ARHGEF28: variants seen among roughly 807,000 people sequenced by gnomAD.
ARHGEF28 encodes the protein 190 kDa guanine nucleotide exchange factor.
A neutral mutation model predicts 206.6 loss-of-function variants in ARHGEF28; 152 were observed. The ratio of observed to expected loss-of-function variants is 0.74; its 90% confidence interval spans 0.64 to 0.84. The LOEUF is 0.84. Ranked by LOEUF, ARHGEF28 falls within the 40% of genes least tolerant of loss-of-function variation. The pLI is 0.00. For missense variants in ARHGEF28, 2,028 were observed against 2,073.2 expected (o/e 0.98, Z 0.42); for synonymous variants, 763 against 776.4 (o/e 0.98, Z 0.29).
Position 73,688,076 on chromosome 5 carries a change from G to T in ARHGEF28, c.33+3192G>T, listed in dbSNP as rs1287926595. Among the ~76,000 whole-genome samples, 3 of 152,100 alleles carry T rather than the reference G, an allele frequency of 2.0e-5. No individual in the cohort carries two copies. In the East Asian group the frequency reaches 5.8e-4, roughly 29 times the overall value. ...AAAGATATCCTCTCCATTGGAATTTGTGAAGAATCCATTACATATTGGGAG... is the reference window on the plus strand; with the variant it reads ...AAAGATATCCTCTCCATTGGAATTTTTGAAGAATCCATTACATATTGGGAG... On this transcript the variant is annotated intron_variant, in intron 2 of 35. Transcript: ENST00000513042.
At chr5:73,795,605 A>G (rs1197054767) in intron 9 of ARHGEF28, 3 of 473,718 alleles carry the variant, frequency 6.3e-6, no homozygotes, top group Admixed American at 7.5e-5. Context: ...AAACAAGGCA[A>G]TCAAAGCTTT....
At chr5:73,836,853 G>A (rs1219522163) in intron 10 of ARHGEF28, among the ~76,000 whole-genome samples, 2 of 152,076 alleles carry the variant, frequency 1.3e-5, no homozygotes, top group East Asian at 3.9e-4. Context: ...GTAAGATAGG[G>A]ATCCAGTTTC....
In ARHGEF28 at chr5:73,753,077, C is replaced by T; in HGVS notation, c.350C>T (p.Thr117Ile). Reference sequence around the variant, plus strand: ...CGCCTCACAGCCTGCAGCCACCAGACCCTGCTGACCCCATTTGCCTTGACG... The same window carrying T: ...CGCCTCACAGCCTGCAGCCACCAGATCCTGCTGACCCCATTTGCCTTGACG... Reference protein sequence around the residue: ...ANRLTACSHQTLLTPFALTAG... With the variant: ...ANRLTACSHQILLTPFALTAG... The change falls in exon 4 of 36, where the codon ACC becomes ATC. Residue 117 changes from threonine to isoleucine, a missense_variant. Coordinates refer to ENST00000513042, the MANE Select transcript of ARHGEF28 (RefSeq NM_001177693.2). The T allele has an allele frequency of 6.2e-7, 1 of 1,608,810 alleles. No homozygotes were observed. Among genetic ancestry groups the T allele is most frequent in the South Asian group, 1.1e-5 (1 of 89,870 alleles).
chr5:73,652,381 TAGAG>T (rs1744888535), intron 1 of ARHGEF28, among the ~76,000 whole-genome samples: 1 of 152,064 alleles, frequency 6.6e-6, no homozygotes, highest in Admixed American at 6.6e-5. Flanking sequence ...TAGCTATTCA[TAGAG>T]AGAGAGGGTC....
chr5:73,704,074 T>C (rs942029788), intron 2 of ARHGEF28, among the ~76,000 whole-genome samples: 23 of 151,274 alleles, frequency 1.5e-4, no homozygotes, highest in Admixed American at 1.5e-3. Flanking sequence ...GATGGGAATA[T>C]GGGGAGGGAA....
At chr5:73,650,704 A>G (rs1744760835) in intron 1 of ARHGEF28, among the ~76,000 whole-genome samples, 1 of 151,704 alleles carries the variant, frequency 6.6e-6, no homozygotes, top group Non-Finnish European at 1.5e-5. Context: ...GCTGGAGTAC[A>G]GTGGTGCAAT....
At chr5:73,827,249 C>G (rs141492479) in intron 9 of ARHGEF28, among the ~76,000 whole-genome samples, 1 of 152,110 alleles carries the variant, frequency 6.6e-6, no homozygotes, top group Non-Finnish European at 1.5e-5. Context: ...AAAGTCACAA[C>G]ATTTTAAATG....
intron 1 of ARHGEF28, among the ~76,000 whole-genome samples, chr5:73,641,811 A>G (rs906879051): frequency 6.6e-6 from 1 of 152,194 alleles, no homozygotes; most frequent in South Asian, 2.1e-4. Context: ...TGGAAAGATC[A>G]CTTTGTATCA....
At chr5:73,709,901 C>T (rs1452021567) in intron 2 of ARHGEF28, among the ~76,000 whole-genome samples, 3 of 152,140 alleles carry the variant, frequency 2.0e-5, no homozygotes, top group African/African-American at 4.8e-5. Flanking sequence ...TTGTGTGAAA[C>T]AATAGTTTGT....
intron 1 of ARHGEF28, among the ~76,000 whole-genome samples, chr5:73,674,892 A>G (rs1294006691): frequency 6.6e-6 from 1 of 152,218 alleles, no homozygotes; most frequent in Admixed American, 6.5e-5. Context: ...AGGGGAGGGT[A>G]GGGAAGCTCC....
At chr5:73,716,090 C>T (rs1170624193) in intron 2 of ARHGEF28, among the ~76,000 whole-genome samples, 1 of 152,088 alleles carries the variant, frequency 6.6e-6, no homozygotes, top group African/African-American at 2.4e-5. Context: ...ATTTAATTTA[C>T]TTGTCCTTAA....
In ARHGEF28 at chr5:73,892,189, A is replaced by G. The variant is rs1384733544; in HGVS notation, c.3525A>G (p.Glu1175=). ...AAATTCACACCAATTCCAAGGAGGA[A>G]CGCAATAACTGGATGAGACGGATCC... ...MYEIHTNSKE[E]RNNWMRRIQQ... is the part of the protein sequence containing the mutation. The change falls in exon 27 of 36, where the codon GAA becomes GAG. Residue 1175 remains glutamate (E), a synonymous_variant. Coordinates refer to ENST00000513042, the MANE Select transcript of ARHGEF28 (RefSeq NM_001177693.2). 2.5e-6 allele frequency: 4 copies of G among 1,575,924 alleles called. No individual in the cohort carries two copies. In the Admixed American group the frequency reaches 7.4e-5, roughly 29 times the overall value.
At chr5:73,674,881 C>T (rs887005892) in intron 1 of ARHGEF28, among the ~76,000 whole-genome samples, 35 of 152,206 alleles carry the variant, frequency 2.3e-4, no homozygotes, top group Admixed American at 5.2e-4. Flanking sequence ...GTGGCACACC[C>T]AGGGGAGGGT....
chr5:73,866,768 T>A (rs1759732454), intron 18 of ARHGEF28, among the ~76,000 whole-genome samples: 1 of 152,212 alleles, frequency 6.6e-6, no homozygotes, highest in African/African-American at 2.4e-5. Flanking sequence ...TCTCCTAAAT[T>A]TGAAAATCTC....
intron 2 of ARHGEF28, among the ~76,000 whole-genome samples, chr5:73,720,941 G>A (rs1749901758): frequency 6.6e-6 from 1 of 152,222 alleles, no homozygotes; most frequent in Non-Finnish European, 1.5e-5. Flanking sequence ...CAAAATAACG[G>A]CTTATATAAC....
chr5:73,883,392 T>C (rs1761074447), intron 23 of ARHGEF28, among the ~76,000 whole-genome samples: 1 of 152,152 alleles, frequency 6.6e-6, no homozygotes, highest in Non-Finnish European at 1.5e-5. Context: ...TAATAACAAA[T>C]GTGGAGGAAG....
At chr5:73,774,248 G>A (rs1049691642) in intron 5 of ARHGEF28, among the ~76,000 whole-genome samples, 21 of 152,158 alleles carry the variant, frequency 1.4e-4, no homozygotes, top group African/African-American at 4.3e-4. Flanking sequence ...GTCTCAAAAG[G>A]CTCTGAAAGG....
At chr5:73,906,710 A>G (rs1436708151) in intron 33 of ARHGEF28, among the ~76,000 whole-genome samples, 3 of 152,134 alleles carry the variant, frequency 2.0e-5, no homozygotes, top group Non-Finnish European at 2.9e-5. Flanking sequence ...TTGTCTTCAT[A>G]TGGTATGATA....
At chr5:73,684,269 T>C (rs1428766382) in intron 1 of ARHGEF28, among the ~76,000 whole-genome samples, 1 of 152,236 alleles carries the variant, frequency 6.6e-6, no homozygotes, top group African/African-American at 2.4e-5. Context: ...ATCTCTATTC[T>C]ACTTTTTTCT....
Sources: gnomAD v4.1 joint callset for allele counts (sites outside exome capture counted in the v4.1 genomes callset) on GRCh38, gnomAD v4.1.1 for gene constraint, MANE v1.5 for transcripts, NCBI Gene and HGNC (gene_info 2026-07-23, HGNC 2026-07-21) for gene names.